Variants in RORA observed in about 807,000 individuals in gnomAD.
The protein encoded by RORA is RAR related orphan receptor A.
RORA carries 7 observed loss-of-function variants against 69.5 expected under a neutral mutation model. The ratio of observed to expected loss-of-function variants is 0.10; its 90% CI spans 0.06 to 0.19. The LOEUF (loss-of-function observed/expected upper bound fraction) is 0.19, where lower values mean the gene tolerates loss of function less well. RORA is among the 10% of genes least tolerant of loss of function. RORA has a pLI of 1.00. For synonymous variants in RORA, 261 were observed against 240.8 expected (o/e 1.08, Z -0.78); for missense variants, 457 against 663.0 (o/e 0.69, Z 3.41).
intron 1 of RORA, among the ~76,000 whole-genome samples, chr15:60,976,035 C>G (rs1436401385): frequency 6.6e-6 from 1 of 152,250 alleles, no homozygotes; most frequent in East Asian, 1.9e-4. Flanking sequence ...AGCTGGAGGA[C>G]TCATGTAACT....
intron 1 of RORA, among the ~76,000 whole-genome samples, chr15:60,715,286 A>AATCTTAGT (rs1253710202): frequency 3.9e-5 from 6 of 152,206 alleles, no homozygotes; most frequent in African/African-American, 1.4e-4. Flanking sequence ...AGTGGATAAG[A>AATCTTAGT]ATCTTAGTGG....
intron 1 of RORA, among the ~76,000 whole-genome samples, chr15:61,060,362 G>C (rs182586457): frequency 6.6e-6 from 1 of 152,128 alleles, no homozygotes; most frequent in Non-Finnish European, 1.5e-5. Flanking sequence ...GCTCCTGGGA[G>C]AGTTAATGCA....
intron 1 of RORA, among the ~76,000 whole-genome samples, chr15:61,188,633 A>T (rs560573091): frequency 1.3e-5 from 2 of 152,300 alleles, no homozygotes; most frequent in African/African-American, 4.8e-5. Flanking sequence ...ATCATTAATG[A>T]TTTAAAAATA....
intron 1 of RORA, among the ~76,000 whole-genome samples, chr15:61,181,696 A>C (rs2140904984): frequency 6.6e-6 from 1 of 151,908 alleles, no homozygotes; most frequent in South Asian, 2.1e-4. Flanking sequence ...AAAAAAAAAA[A>C]AAAAAAGGAT....
At chr15:60,947,802 C>T (rs1000026257) in intron 1 of RORA, among the ~76,000 whole-genome samples, 5 of 151,744 alleles carry the variant, frequency 3.3e-5, no homozygotes, top group African/African-American at 4.8e-5. Context: ...CTGCAGCCTC[C>T]GCAGTGGGAG....
At chr15:60,525,629 ACT>A (rs1313610768) in intron 3 of RORA, among the ~76,000 whole-genome samples, 2 of 152,064 alleles carry the variant, frequency 1.3e-5, no homozygotes, top group East Asian at 1.9e-4. Context: ...TTTATTCATA[ACT>A]CTGTGATTTA....
intron 1 of RORA, among the ~76,000 whole-genome samples, chr15:61,140,753 G>A (rs772962354): frequency 6.6e-6 from 1 of 152,144 alleles, no homozygotes; most frequent in Non-Finnish European, 1.5e-5. Flanking sequence ...CTTTGCCTAG[G>A]GTTTAACGCT....
intron 1 of RORA, among the ~76,000 whole-genome samples, chr15:60,740,902 A>G (rs7178298): frequency 0.019 from 2,937 of 152,296 alleles, 112 homozygotes; most frequent in African/African-American, 0.068. Context: ...AGACTGACCC[A>G]AAAGGTTGGG....
chr15:60,560,527 CAA>C (rs761271083), intron 2 of RORA, among the ~76,000 whole-genome samples: 1 of 135,158 alleles, frequency 7.4e-6, no homozygotes, highest in Non-Finnish European at 1.6e-5. Flanking sequence ...GACCCTGCCT[CAA>C]AAAAAAAAAA....
chr15:60,897,247 G>A (rs940629487), intron 1 of RORA, among the ~76,000 whole-genome samples: 1 of 152,214 alleles, frequency 6.6e-6, no homozygotes, highest in African/African-American at 2.4e-5. Context: ...TCTACCCACA[G>A]TTTTACAAAT....
rs1383367462 is a variant in RORA at position 61,147,007 on chromosome 15, A to G, written c.166+82046T>C. Among the ~76,000 whole-genome samples the G allele has an allele frequency of 6.6e-6, 1 of 151,490 alleles. No homozygotes were observed. Among genetic ancestry groups the G allele is most frequent in the Non-Finnish European group, 1.5e-5 (1 of 67,886 alleles). On this transcript the variant is annotated intron_variant, in intron 1 of 10. Coordinates refer to ENST00000335670, the MANE Select transcript of RORA (RefSeq NM_134261.3). The surrounding 1 kb of genome is among the most constrained non-coding windows in gnomAD (Gnocchi z 4.1). Reference sequence around the variant, plus strand: ...TTCACAAGAAAACCCTCTTCAGGCTATTCATGGTGGGGGGCAGTCACGGGG... The same window carrying G: ...TTCACAAGAAAACCCTCTTCAGGCTGTTCATGGTGGGGGGCAGTCACGGGG...
intron 2 of RORA, chr15:60,592,462 C>G (rs533826863): frequency 7.2e-7 from 1 of 1,383,248 alleles, no homozygotes; most frequent in Admixed American, 3.1e-5. Context: ...ATGGTCCGAC[C>G]CCGGAGCCCC....
intron 1 of RORA, among the ~76,000 whole-genome samples, chr15:60,712,599 G>A (rs1252757405): frequency 6.6e-6 from 1 of 152,220 alleles, no homozygotes; most frequent in Non-Finnish European, 1.5e-5. Context: ...AGGACCCAGT[G>A]TATTGCAAGG....
rs74698205 is a variant in RORA, at chr15:60,792,591, G to C, written c.167-113905C>G. On this transcript the variant is annotated intron_variant, in intron 1 of 10. Coordinates refer to ENST00000335670, the MANE Select transcript of RORA (RefSeq NM_134261.3). ...CTACAGCAGAAACAACAATATGAATGATAGCTATTTCTCTCACAAATAGCA... is the reference window on the plus strand; with the variant it reads ...CTACAGCAGAAACAACAATATGAATCATAGCTATTTCTCTCACAAATAGCA... Among the ~76,000 whole-genome samples, 1,163 of 152,254 alleles carry C rather than the reference G, an allele frequency of 7.6e-3. 29 individuals are homozygous for C. The East Asian group carries it at 0.11, about 15-fold the overall frequency.
chr15:60,845,349 G>A (rs1362014946), intron 1 of RORA, among the ~76,000 whole-genome samples: 1 of 152,176 alleles, frequency 6.6e-6, no homozygotes, highest in East Asian at 1.9e-4. Context: ...AGCCACAGAC[G>A]ATGGTATGTT....
chr15:60,829,140 T>A lies in RORA; in HGVS notation c.167-150454A>T, dbSNP rs555585230. Among the ~76,000 whole-genome samples, 127 of 152,236 alleles carry A rather than the reference T, an allele frequency of 8.3e-4. 3 individuals are homozygous for A. In the South Asian group the frequency reaches 0.025, roughly 30 times the overall value. On this transcript the variant is annotated intron_variant, in intron 1 of 10. Transcript: ENST00000335670. ...TGCCTTTCTTCTGGCCCACTCTGGT[T>A]CAAGCCTCACCTTCGCTTACCTGGA...
At chr15:60,573,811 G>A (rs532611767) in intron 2 of RORA, among the ~76,000 whole-genome samples, 72 of 152,062 alleles carry the variant, frequency 4.7e-4, no homozygotes, top group Non-Finnish European at 8.4e-4. Flanking sequence ...TGCTCCTATC[G>A]TCTCCTGCAT....
chr15:61,021,663 C>T (rs1349691536), intron 1 of RORA, among the ~76,000 whole-genome samples: 1 of 152,170 alleles, frequency 6.6e-6, no homozygotes, highest in South Asian at 2.1e-4. Context: ...TGCCTGCAAT[C>T]CCCGGACCAG....
At chr15:60,713,210 C>G (rs2071167566) in intron 1 of RORA, among the ~76,000 whole-genome samples, 1 of 152,146 alleles carries the variant, frequency 6.6e-6, no homozygotes, top group Non-Finnish European at 1.5e-5. Context: ...CAGGAATGTT[C>G]CCCCTTAGTA....
Sources: allele counts gnomAD v4.1 joint callset (sites outside exome capture counted in the v4.1 genomes callset), GRCh38; gene constraint gnomAD v4.1.1; non-coding constraint Gnocchi (gnomAD v3.1); transcripts MANE v1.5; gene names NCBI Gene and HGNC (gene_info 2026-07-23, HGNC 2026-07-21).